PGLS: variants seen among roughly 807,000 people sequenced by gnomAD.
PGLS encodes the protein 6-phosphogluconolactonase.
In PGLS, 21 loss-of-function variants were observed where a neutral mutation model predicts 23.2. That is an observed-to-expected ratio of 0.91 (90% CI 0.64 to 1.31). The LOEUF (loss-of-function observed/expected upper bound fraction) is 1.31. Among genes scored for constraint, PGLS ranks in the 50% most tolerant of loss-of-function variants. PGLS has a pLI of 0.00. For missense variants in PGLS, 410 were observed against 354.0 expected (o/e 1.16, Z -1.27); for synonymous variants, 179 against 165.4 (o/e 1.08, Z -0.63).
At chr19:17,517,046 G>T (rs1428863392) in intron 2 of PGLS, among the ~76,000 whole-genome samples, 1 of 151,548 alleles carries the variant, frequency 6.6e-6, no homozygotes, top group African/African-American at 2.4e-5. Flanking sequence ...CACCACGCCT[G>T]GCTAATTTTT....
chr19:17,516,970 T>A (rs1324491504), intron 2 of PGLS, among the ~76,000 whole-genome samples: 1 of 150,090 alleles, frequency 6.7e-6, no homozygotes, highest in Non-Finnish European at 1.5e-5. Context: ...CTGCAACCTC[T>A]GCCTCCCGGG....
intron 1 of PGLS, among the ~76,000 whole-genome samples, chr19:17,515,056 T>G (rs1272349327): frequency 6.6e-6 from 1 of 152,214 alleles, no homozygotes; most frequent in African/African-American, 2.4e-5. Context: ...CCCAAAGTGC[T>G]GGGATTACAG....
intron 1 of PGLS, 156 bp from the exon 2 acceptor site, chr19:17,516,013 GTCAC>G (rs1197092188): frequency 3.5e-6 from 2 of 570,570 alleles, no homozygotes; most frequent in East Asian, 6.3e-5. Flanking sequence ...CAACCAAAGT[GTCAC>G]TCACCAACCG....
At chr19:17,513,654 A>G (rs989720142) in intron 1 of PGLS, among the ~76,000 whole-genome samples, 3 of 152,056 alleles carry the variant, frequency 2.0e-5, no homozygotes, top group African/African-American at 7.2e-5. Flanking sequence ...CCCCATCTCT[A>G]CTAAAAATAC....
At chr19:17,516,497 T>A in intron 2 of PGLS, 1 of 1,362,014 alleles carries the variant, frequency 7.3e-7, no homozygotes, top group Non-Finnish European at 9.5e-7. Flanking sequence ...GGTCCTCACA[T>A]CTTGGGGAAA....
Position 17,515,835 on chromosome 19 carries a change from G to A in PGLS, c.289-338G>A, listed in dbSNP as rs903612339. Reference sequence around the variant, plus strand: ...TTGAAAGACTCCTGTTGGAATGCTGGCCCCCGCAGGAACCACCATGATCCC... The same window carrying A: ...TTGAAAGACTCCTGTTGGAATGCTGACCCCCGCAGGAACCACCATGATCCC... On this transcript the variant is annotated intron_variant, in intron 1 of 4. Coordinates refer to ENST00000252603, the MANE Select transcript of PGLS (RefSeq NM_012088.3). 9.8e-5 allele frequency: 23 copies of A among 235,282 alleles called. 1 individual carries two copies. Among genetic ancestry groups the A allele is most frequent in the East Asian group, 9.1e-5 (1 of 11,042 alleles). The allele number at this position is 235,282 out of a possible 1,614,324, so 14.6% of individuals were successfully genotyped here.
rs2079229542 is a variant in PGLS at position 17,521,038 on chromosome 19, C to T, written c.734C>T (p.Ala245Val). The T allele has an allele frequency of 6.2e-7, 1 of 1,601,660 alleles. No individual in the cohort carries two copies. The highest frequency in any genetic ancestry group is 1.7e-5 in the Admixed American group (1 of 59,234). Residue 245 changes from alanine (A) to valine (V), a missense_variant, in exon 5 of 5, where the codon GCC becomes GTC. Ala to Val is a moderately conservative substitution (Grantham distance 64, BLOSUM62 0). Transcript: ENST00000252603. Reference protein sequence around the residue: ...KLCWFLDEAAARLLTVPFEKH... With the variant: ...KLCWFLDEAAVRLLTVPFEKH... ...TGCTGGTTCTTGGACGAGGCGGCCG[C>T]CCGCCTCCTGACCGTGCCCTTCGAG...
In PGLS at chr19:17,518,722, G is replaced by A. The variant is rs993671515; in HGVS notation, c.639+872G>A. 4 of 152,070 alleles carry A rather than the reference G, an allele frequency of 2.6e-5. No homozygotes were observed. In the Middle Eastern group the frequency reaches 0.01, roughly 388 times the overall value. The allele number at this position is 152,070 out of a possible 1,614,324, so 9.4% of individuals were successfully genotyped here. Reference sequence around the variant, plus strand: ...ATTTTTGTATTTTTAGTAGAGAGGGGGTTTCACCATGTTGGCCAGGCTGGT... The same window carrying A: ...ATTTTTGTATTTTTAGTAGAGAGGGAGTTTCACCATGTTGGCCAGGCTGGT... On this transcript the variant is annotated intron_variant, in intron 4 of 4. Transcript: ENST00000252603.
chr19:17,517,837 C>G lies in PGLS; in HGVS notation c.626C>G (p.Ala209Gly). 6.2e-7 allele frequency: 1 copy of G among 1,614,038 alleles called. No homozygotes were observed. Among genetic ancestry groups the G allele is most frequent in the Non-Finnish European group, 8.5e-7 (1 of 1,180,006 alleles). ...VIFVATGEGK[A>G]AVLKRILEDQ... ...TTTGTGGCAACTGGAGAAGGCAAGG[C>G]AGCTGTTCTGAAGGTAACAGCTGAG... The change falls in exon 4 of 5, where the codon GCA becomes GGA. Residue 209 changes from alanine to glycine, a missense_variant. Physicochemically the swap from Ala to Gly is moderately conservative, Grantham distance 60. Transcript: ENST00000252603.
At chr19:17,518,809 A>G (rs1009063134) in intron 4 of PGLS, among the ~76,000 whole-genome samples, 1 of 152,018 alleles carries the variant, frequency 6.6e-6, no homozygotes, top group Non-Finnish European at 1.5e-5. Context: ...GGGATTACAG[A>G]TATGAGTCAC....
rs148383083 is a variant in PGLS at position 17,517,692 on chromosome 19, C to G, written c.499-18C>G. On this transcript the variant is annotated intron_variant, in intron 3 of 4. Transcript: ENST00000252603. Reference sequence around the variant, plus strand: ...TGACATTGTCCTTCTGCCTCCATCCCTGGGCTTCCTCCCCAAGGAGCGGGA... The same window carrying G: ...TGACATTGTCCTTCTGCCTCCATCCGTGGGCTTCCTCCCCAAGGAGCGGGA... 2.0e-4 allele frequency: 321 copies of G among 1,613,596 alleles called. 1 individual carries two copies. The highest frequency in any genetic ancestry group is 6.2e-4 in the Admixed American group (37 of 59,988).
At chr19:17,513,861 G>C (rs1317668443) in intron 1 of PGLS, among the ~76,000 whole-genome samples, 1 of 152,140 alleles carries the variant, frequency 6.6e-6, no homozygotes, top group Non-Finnish European at 1.5e-5. Flanking sequence ...AGGGAATAGG[G>C]AGTGAGCATT....
intron 3 of PGLS, 88 bp downstream of exon 3, chr19:17,517,477 G>C: frequency 9.0e-7 from 1 of 1,109,444 alleles, no homozygotes; most frequent in South Asian, 1.4e-5. Context: ...CCTGCCGGGT[G>C]GGGTGTCTAG....
chr19:17,517,127 C>T (rs1347898287), intron 2 of PGLS, among the ~76,000 whole-genome samples, 161 bp from the exon 3 acceptor site: 2 of 152,154 alleles, frequency 1.3e-5, no homozygotes, highest in Non-Finnish European at 2.9e-5. Flanking sequence ...TCGTGATCCA[C>T]CTACCTCGGC....
At chr19:17,514,558 C>T (rs149043638) in intron 1 of PGLS, among the ~76,000 whole-genome samples, 3 of 151,600 alleles carry the variant, frequency 2.0e-5, no homozygotes, top group South Asian at 4.2e-4. Context: ...GAGGCATGAT[C>T]GTGGCTTACT....
At chr19:17,513,924 G>A (rs915216126) in intron 1 of PGLS, among the ~76,000 whole-genome samples, 2 of 152,234 alleles carry the variant, frequency 1.3e-5, no homozygotes, top group Non-Finnish European at 2.9e-5. Flanking sequence ...TGAGCTGAGA[G>A]CTGGAGCATG....
At chr19:17,516,414 C>T in intron 2 of PGLS, 134 bp downstream of exon 2, 1 of 1,438,290 alleles carries the variant, frequency 7.0e-7, no homozygotes, top group East Asian at 2.6e-5. Flanking sequence ...GAGGAATCCC[C>T]TCTTCGAGGC....
chr19:17,517,567 A>G, intron 3 of PGLS, 143 bp from the exon 4 acceptor site: 1 of 1,042,462 alleles, frequency 9.6e-7, no homozygotes, highest in Non-Finnish European at 1.4e-6. Context: ...AGCCCCTTAA[A>G]ACAGGGACCT....
intron 4 of PGLS, 44 bp from the exon 5 acceptor site, chr19:17,520,900 C>T: frequency 1.3e-6 from 2 of 1,517,062 alleles, no homozygotes; most frequent in East Asian, 4.9e-5. Flanking sequence ...AGGGGCGGTG[C>T]CTGGGCCGCA....
Sources: gnomAD v4.1 joint callset for allele counts (sites outside exome capture counted in the v4.1 genomes callset) on GRCh38, gnomAD v4.1.1 for gene constraint, MANE v1.5 for transcripts, NCBI Gene and HGNC (gene_info 2026-07-23, HGNC 2026-07-21) for gene names.